SUMF1: variants seen among roughly 807,000 people sequenced by gnomAD.
The protein encoded by SUMF1 is sulfatase modifying factor 1.
Under a neutral mutation model 47.6 loss-of-function variants are expected in SUMF1, and 48 were observed. The observed-to-expected ratio is 1.01, with a 90% CI of 0.80 to 1.28. The LOEUF (loss-of-function observed/expected upper bound fraction) is 1.28. Among genes scored for constraint, SUMF1 ranks in the 50% most tolerant of loss-of-function variants. SUMF1 has a pLI of 0.00. For synonymous variants in SUMF1, 230 were observed against 192.1 expected (o/e 1.20, Z -1.63); for missense variants, 571 against 485.4 (o/e 1.18, Z -1.66).
chr3:4,219,259 A>G (rs1413633548), intron 8 of SUMF1, among the ~76,000 whole-genome samples: 3 of 152,168 alleles, frequency 2.0e-5, no homozygotes, highest in African/African-American at 7.2e-5. Context: ...CCACATTTCA[A>G]ACGTTTTCAC....
At chr3:4,450,445 C>G (rs948662191) in intron 2 of SUMF1, among the ~76,000 whole-genome samples, 1 of 152,182 alleles carries the variant, frequency 6.6e-6, no homozygotes, top group Non-Finnish European at 1.5e-5. Context: ...AGGCTGCCAT[C>G]TTTTCTTCAC....
chr3:4,385,768 AT>A (rs1162531186), intron 7 of SUMF1, among the ~76,000 whole-genome samples: 7 of 152,134 alleles, frequency 4.6e-5, no homozygotes, highest in Non-Finnish European at 8.8e-5. Context: ...TGCAGTTTAA[AT>A]TTTAACTCTG....
At chr3:4,341,463 C>T (rs1478005003) in intron 8 of SUMF1, among the ~76,000 whole-genome samples, 1 of 151,872 alleles carries the variant, frequency 6.6e-6, no homozygotes, top group Non-Finnish European at 1.5e-5. Flanking sequence ...GAATACATAG[C>T]TTTTCTTTAT....
chr3:4,412,604 C>A (rs1701579598), intron 6 of SUMF1, among the ~76,000 whole-genome samples: 1 of 152,174 alleles, frequency 6.6e-6, no homozygotes, highest in Admixed American at 6.5e-5. Context: ...ATGAAACAGG[C>A]CAGGTGCCGT....
At chr3:4,057,606 C>T (rs1032063212) in intron 9 of SUMF1, among the ~76,000 whole-genome samples, 1 of 152,088 alleles carries the variant, frequency 6.6e-6, no homozygotes, top group Non-Finnish European at 1.5e-5. Context: ...GAGAATAATG[C>T]CCTGTGCCTC....
In SUMF1 at chr3:4,284,029, A is replaced by T. The variant is rs554073958; in HGVS notation, c.1014+92301T>A. 4.6e-5 allele frequency among the ~76,000 whole-genome samples: 7 copies of T among 152,268 alleles called. No homozygotes were observed. The South Asian group carries it at 1.2e-3, about 27-fold the overall frequency. The stretch of plus-strand genomic sequence containing the variant: ...CATCACCTTGGGGGTTAGGATTTCA[A>T]CATATGAATTTTGGGAGGATACAAA... On this transcript the variant is annotated intron_variant and NMD_transcript_variant, in intron 8 of 12. Transcript: ENST00000448413.
At chr3:4,061,950 G>A (rs1315736583) in intron 9 of SUMF1, among the ~76,000 whole-genome samples, 7 of 151,904 alleles carry the variant, frequency 4.6e-5, no homozygotes, top group Non-Finnish European at 8.8e-5. Flanking sequence ...TTTGATACCT[G>A]GTCCTCCCAC....
At chr3:4,409,564 T>C (rs755808261) in intron 7 of SUMF1, among the ~76,000 whole-genome samples, 1 of 152,232 alleles carries the variant, frequency 6.6e-6, no homozygotes, top group Non-Finnish European at 1.5e-5. Context: ...CAGATGCTTT[T>C]ATCTGAGATG....
chr3:4,180,806 T>G (rs1001683060), intron 8 of SUMF1, among the ~76,000 whole-genome samples: 1 of 149,774 alleles, frequency 6.7e-6, no homozygotes, highest in African/African-American at 2.5e-5. Flanking sequence ...TGAGCTGAGA[T>G]CACACCACTG....
intron 8 of SUMF1, among the ~76,000 whole-genome samples, chr3:4,228,401 A>G (rs1397926182): frequency 6.6e-6 from 1 of 151,976 alleles, no homozygotes; most frequent in Non-Finnish European, 1.5e-5. Flanking sequence ...AAAAAAAAGC[A>G]CACATCCTCT....
intron 8 of SUMF1, among the ~76,000 whole-genome samples, chr3:4,335,835 A>G (rs308737): frequency 0.79 from 120,075 of 151,658 alleles, 48,008 homozygotes; most frequent in African/African-American, 0.9. Flanking sequence ...TGGCGGGCAC[A>G]TGTAATCCCA....
At chr3:4,122,315 G>T (rs1407950994) in intron 8 of SUMF1, among the ~76,000 whole-genome samples, 1 of 152,142 alleles carries the variant, frequency 6.6e-6, no homozygotes, top group Non-Finnish European at 1.5e-5. Flanking sequence ...CATATTATAT[G>T]ATTTCATTTC....
chr3:4,106,504 A>T (rs2125065862), intron 8 of SUMF1, among the ~76,000 whole-genome samples: 1 of 152,224 alleles, frequency 6.6e-6, no homozygotes, highest in East Asian at 1.9e-4. Context: ...TTTTCTTTTA[A>T]TCAGAACAAT....
chr3:4,058,452 A>G (rs1241899718), intron 9 of SUMF1, among the ~76,000 whole-genome samples: 1 of 152,114 alleles, frequency 6.6e-6, no homozygotes, highest in Non-Finnish European at 1.5e-5. Flanking sequence ...GATGTACTAG[A>G]TATGGAATAC....
chr3:4,236,409 C>T (rs1289129228), intron 8 of SUMF1, among the ~76,000 whole-genome samples: 1 of 151,988 alleles, frequency 6.6e-6, no homozygotes, highest in Non-Finnish European at 1.5e-5. Context: ...AAGATAAATG[C>T]TTTTTCTAAT....
intron 8 of SUMF1, among the ~76,000 whole-genome samples, chr3:4,249,320 T>C (rs1015281960): frequency 1.3e-5 from 2 of 152,246 alleles, no homozygotes; most frequent in Admixed American, 6.5e-5. Context: ...TATTTCATTG[T>C]TTACAAATTG....
intron 7 of SUMF1, among the ~76,000 whole-genome samples, chr3:4,392,411 T>C (rs899493945): frequency 1.3e-5 from 2 of 152,026 alleles, no homozygotes; most frequent in Non-Finnish European, 2.9e-5. Context: ...CTGGGCCTAC[T>C]TGGGAGTTAG....
intron 8 of SUMF1, among the ~76,000 whole-genome samples, chr3:4,367,461 TC>T (rs1700015096): frequency 1.3e-5 from 2 of 152,162 alleles, no homozygotes; most frequent in South Asian, 4.2e-4. Flanking sequence ...CCAATGACTT[TC>T]TTCACAGAAT....
intron 8 of SUMF1, among the ~76,000 whole-genome samples, chr3:4,268,239 G>T (rs892417190): frequency 1.3e-5 from 2 of 152,006 alleles, no homozygotes; most frequent in African/African-American, 4.8e-5. Context: ...ACTGTTGTGG[G>T]GTTGGGGGAG....
Sources: gnomAD v4.1 joint callset for allele counts (sites outside exome capture counted in the v4.1 genomes callset) on GRCh38, gnomAD v4.1.1 for gene constraint, MANE v1.5 for transcripts, NCBI Gene and HGNC (gene_info 2026-07-23, HGNC 2026-07-21) for gene names.